CAMSAP2: variants seen among roughly 807,000 people sequenced by gnomAD.
CAMSAP2 encodes calmodulin-regulated spectrin-associated protein 2.
Under a neutral mutation model 146.1 loss-of-function variants are expected in CAMSAP2, and 26 were observed. The observed-to-expected ratio is 0.18, with a 90% CI of 0.13 to 0.25. The LOEUF is 0.25. CAMSAP2 is among the 10% of genes least tolerant of loss of function. CAMSAP2 has a pLI of 1.00. For missense variants in CAMSAP2, 1,381 were observed against 1,759.3 expected (o/e 0.78, Z 3.85); for synonymous variants, 499 against 596.6 (o/e 0.84, Z 2.38).
At chr1:200,812,753 T>C (rs1353389984) in intron 3 of CAMSAP2, among the ~76,000 whole-genome samples, 1 of 152,224 alleles carries the variant, frequency 6.6e-6, no homozygotes, top group Non-Finnish European at 1.5e-5. Context: ...CAAGATTATA[T>C]TGAATGATTG....
At chr1:200,835,091 A>C (rs1667151780) in intron 6 of CAMSAP2, among the ~76,000 whole-genome samples, 2 of 152,220 alleles carry the variant, frequency 1.3e-5, no homozygotes, top group Non-Finnish European at 2.9e-5. Flanking sequence ...GTTCTGGTAA[A>C]CCATTTGGAA....
At chr1:200,754,895 T>C (rs771494871) in intron 1 of CAMSAP2, among the ~76,000 whole-genome samples, 19 of 152,152 alleles carry the variant, frequency 1.2e-4, no homozygotes, top group Non-Finnish European at 2.2e-4. Flanking sequence ...AGAGCTTTTT[T>C]AATGTATTAT....
chr1:200,756,290 G>A (rs1320274392), intron 1 of CAMSAP2, among the ~76,000 whole-genome samples: 22 of 151,482 alleles, frequency 1.5e-4, no homozygotes, highest in Admixed American at 1.3e-3. Context: ...CCATCTCTAC[G>A]AAAAATACAA....
chr1:200,808,081 C>T (rs183644252), intron 3 of CAMSAP2, among the ~76,000 whole-genome samples: 120 of 152,208 alleles, frequency 7.9e-4, no homozygotes, highest in African/African-American at 2.7e-3. Context: ...CTGGTTCATA[C>T]CAGATTATGA....
chr1:200,802,323 C>A (rs186866956), intron 2 of CAMSAP2, among the ~76,000 whole-genome samples: 1 of 152,220 alleles, frequency 6.6e-6, no homozygotes, highest in East Asian at 1.9e-4. Flanking sequence ...AACTCTGTGA[C>A]CAAATGTAGA....
chr1:200,841,918 A>G, intron 6 of CAMSAP2, 76 bp from the exon 7 acceptor site: 4 of 1,031,930 alleles, frequency 3.9e-6, no homozygotes, highest in South Asian at 1.3e-5. Flanking sequence ...ATTTAAACCT[A>G]TATTTTAAAA....
At chr1:200,741,853 CAA>C (rs1664187262) in intron 1 of CAMSAP2, among the ~76,000 whole-genome samples, 1 of 152,148 alleles carries the variant, frequency 6.6e-6, no homozygotes, top group Non-Finnish European at 1.5e-5. Context: ...AGATTGATAA[CAA>C]GTCTCTGATG....
At chr1:200,826,384 A>T (rs1285265789) in intron 4 of CAMSAP2, among the ~76,000 whole-genome samples, 6 of 151,906 alleles carry the variant, frequency 3.9e-5, no homozygotes, top group African/African-American at 1.5e-4. Flanking sequence ...GTGAGCTGAG[A>T]TAGCTCCGCT....
chr1:200,778,412 G>A (rs1003705692), intron 2 of CAMSAP2, among the ~76,000 whole-genome samples: 2 of 152,114 alleles, frequency 1.3e-5, no homozygotes, highest in African/African-American at 2.4e-5. Context: ...GCTCCTGAAT[G>A]CCTGGAGTTT....
At chr1:200,831,590 G>T (rs1253989016) in intron 4 of CAMSAP2, among the ~76,000 whole-genome samples, 2 of 150,054 alleles carry the variant, frequency 1.3e-5, no homozygotes, top group African/African-American at 4.9e-5. Context: ...GCAAGAACCC[G>T]TATACTTGCT....
At chr1:200,836,273 T>G (rs1024931286) in intron 6 of CAMSAP2, among the ~76,000 whole-genome samples, 5 of 152,238 alleles carry the variant, frequency 3.3e-5, no homozygotes, top group African/African-American at 1.2e-4. Context: ...CTTCCACTCG[T>G]GGATAGTTTG....
intron 8 of CAMSAP2, 136 bp from the exon 9 acceptor site, chr1:200,847,074 A>T (rs1667476409): frequency 1.6e-6 from 1 of 609,418 alleles, no homozygotes; most frequent in African/African-American, 1.8e-5. Flanking sequence ...CTTTGGTTTA[A>T]ACAATATGTT....
chr1:200,842,188 T>TA, intron 7 of CAMSAP2, 101 bp downstream of exon 7: 1 of 849,708 alleles, frequency 1.2e-6, no homozygotes. Flanking sequence ...GCCTATTATT[T>TA]TTTTTTTAGA....
In CAMSAP2 at chr1:200,832,265, G is replaced by A. The variant is rs1667062734; in HGVS notation, c.711G>A (p.Leu237=). ...CTTGCATTCCATTGGTAGAAAATTT[G>A]TTGAAGGATGGGACAGATGGCTGTG... ...QLPCIPLVEN[L]LKDGTDGCAL... The change falls in exon 5 of 17, where the codon TTG becomes TTA. Residue 237 remains leucine, a synonymous_variant. Transcript: ENST00000358823. This position sits in a 1 kb window ranked among gnomAD's most constrained non-coding sequence, Gnocchi z 4.2. 2 of 1,613,518 alleles carry A rather than the reference G, an allele frequency of 1.2e-6. No homozygotes were observed. Among genetic ancestry groups the A allele is most frequent in the African/African-American group, 2.7e-5 (2 of 74,868 alleles).
At chr1:200,749,410 C>T (rs1664435598) in intron 1 of CAMSAP2, among the ~76,000 whole-genome samples, 1 of 150,414 alleles carries the variant, frequency 6.6e-6, no homozygotes, top group South Asian at 2.1e-4. Context: ...ATTAAGGACT[C>T]ATGAATATCA....
At chr1:200,752,296 T>C (rs1285555885) in intron 1 of CAMSAP2, among the ~76,000 whole-genome samples, 1 of 152,190 alleles carries the variant, frequency 6.6e-6, no homozygotes, top group Non-Finnish European at 1.5e-5. Flanking sequence ...CCTTCTGTGA[T>C]ATGTAACTTT....
At chr1:200,752,319 A>G (rs1322752842) in intron 1 of CAMSAP2, among the ~76,000 whole-genome samples, 4 of 152,290 alleles carry the variant, frequency 2.6e-5, no homozygotes, top group Non-Finnish European at 5.9e-5. Context: ...TGAGCATATA[A>G]TATTGCTTAA....
intron 2 of CAMSAP2, among the ~76,000 whole-genome samples, chr1:200,804,373 TATATC>T (rs941078875): frequency 3.3e-5 from 5 of 152,186 alleles, no homozygotes; most frequent in African/African-American, 1.2e-4. Context: ...AATAGTTTAA[TATATC>T]ATAAATTACT....
intron 1 of CAMSAP2, among the ~76,000 whole-genome samples, chr1:200,749,811 G>C (rs923893813): frequency 6.6e-6 from 1 of 152,032 alleles, no homozygotes; most frequent in Non-Finnish European, 1.5e-5. Flanking sequence ...TTCTCTTTAT[G>C]GGGGGGAAAT....
Sources: allele counts gnomAD v4.1 joint callset (sites outside exome capture counted in the v4.1 genomes callset), GRCh38; gene constraint gnomAD v4.1.1; non-coding constraint Gnocchi (gnomAD v3.1); transcripts MANE v1.5; gene names NCBI Gene and HGNC (gene_info 2026-07-23, HGNC 2026-07-21).